The following EXOC4 variants were observed in gnomAD, a reference collection of about 807,000 sequenced individuals.
EXOC4 encodes the protein SEC8-like 1.
In EXOC4, 71 loss-of-function variants were observed where a neutral mutation model predicts 107.2. The observed-to-expected ratio is 0.66, with a 90% CI of 0.55 to 0.81. The LOEUF is 0.81. Ranked by LOEUF, EXOC4 falls within the 30% of genes least tolerant of loss-of-function variation. EXOC4 has a pLI of 0.00. For missense variants in EXOC4, 1,108 were observed against 1,189.6 expected, an observed-to-expected ratio of 0.93 and a Z score of 1.01; for synonymous variants, 456 against 441.2, an observed-to-expected ratio of 1.03 and a Z score of -0.42.
At chr7:133,385,883 G>C (rs1014099287) in intron 7 of EXOC4, among the ~76,000 whole-genome samples, 1 of 152,180 alleles carries the variant, frequency 6.6e-6, no homozygotes, top group Admixed American at 6.6e-5. Flanking sequence ...AATTATTTCA[G>C]TTCACATATT....
intron 10 of EXOC4, among the ~76,000 whole-genome samples, chr7:133,660,542 A>G (rs1803415763): frequency 6.6e-6 from 1 of 152,176 alleles, no homozygotes; most frequent in African/African-American, 2.4e-5. Context: ...TTTTGGGCTG[A>G]TCTCTATAAG....
At chr7:133,510,743 G>C (rs1345307230) in intron 9 of EXOC4, among the ~76,000 whole-genome samples, 1 of 152,170 alleles carries the variant, frequency 6.6e-6, no homozygotes, top group Non-Finnish European at 1.5e-5. Flanking sequence ...GACCCACAGG[G>C]CCTCAAATAA....
intron 7 of EXOC4, among the ~76,000 whole-genome samples, chr7:133,468,825 T>C (rs1798798648): frequency 6.6e-6 from 1 of 152,150 alleles, no homozygotes; most frequent in African/African-American, 2.4e-5. Context: ...TTTTTTTGGC[T>C]TTTACAGTTA....
At chr7:133,796,112 A>G (rs1796808529) in intron 10 of EXOC4, among the ~76,000 whole-genome samples, 1 of 152,190 alleles carries the variant, frequency 6.6e-6, no homozygotes. Context: ...TTAATTTCCT[A>G]TAGACATTCA....
At chr7:133,635,062 T>C (rs547034762) in intron 10 of EXOC4, among the ~76,000 whole-genome samples, 1 of 152,258 alleles carries the variant, frequency 6.6e-6, no homozygotes, top group South Asian at 2.1e-4. Flanking sequence ...TATGTTAATG[T>C]TGGAATTTGA....
intron 14 of EXOC4, among the ~76,000 whole-genome samples, chr7:133,966,326 T>G (rs1219127036): frequency 6.6e-6 from 1 of 152,130 alleles, no homozygotes; most frequent in South Asian, 2.1e-4. Context: ...ATTTCTTTCT[T>G]TTGCCTGATT....
chr7:133,941,018 T>G (rs1025163716), intron 14 of EXOC4, among the ~76,000 whole-genome samples: 1 of 151,588 alleles, frequency 6.6e-6, no homozygotes, highest in Non-Finnish European at 1.5e-5. Context: ...ATTTTCTTTC[T>G]TTTTTTCTTT....
chr7:133,470,506 G>GT (rs1798848367), intron 7 of EXOC4, among the ~76,000 whole-genome samples: 1 of 152,192 alleles, frequency 6.6e-6, no homozygotes, highest in East Asian at 1.9e-4. Context: ...GCCATTCAAC[G>GT]TAATAGGTCC....
In EXOC4 at chr7:133,400,390, C is replaced by G. The variant is rs530391464; in HGVS notation, c.1182+25388C>G. ...AGATTTGATGGGCTGCTCACTCTGT[C>G]CCTCTGCCCACCTGATGTTAGTTAA... is the stretch of plus-strand genomic sequence containing the variant. On this transcript the variant is annotated intron_variant, in intron 7 of 17. Transcript: ENST00000253861. 2.4e-4 allele frequency among the ~76,000 whole-genome samples: 36 copies of G among 152,264 alleles called. No homozygotes were observed. In the South Asian group the frequency reaches 3.7e-3, roughly 16 times the overall value.
chr7:134,069,213 T>TCTTCTTTTC (rs1554442561), downstream of EXOC4, among the ~76,000 whole-genome samples: 1 of 147,948 alleles, frequency 6.8e-6, no homozygotes, highest in African/African-American at 2.5e-5. Context: ...CAGTTCTTCT[T>TCTTCTTTTC]CTTCTTCTCC....
intron 5 of EXOC4, among the ~76,000 whole-genome samples, chr7:133,339,525 G>GT (rs1413798781): frequency 6.6e-6 from 1 of 152,074 alleles, no homozygotes; most frequent in East Asian, 1.9e-4. Flanking sequence ...TTTTAAGATT[G>GT]TTTTTTCTAG....
intron 11 of EXOC4, among the ~76,000 whole-genome samples, chr7:133,853,394 ACAC>A (rs1554409538): frequency 4.6e-5 from 6 of 129,912 alleles, no homozygotes; most frequent in Admixed American, 2.2e-4. Flanking sequence ...ACACACACAC[ACAC>A]AACTTTTTAG....
At chr7:133,854,287 G>A (rs1798301093) in intron 11 of EXOC4, among the ~76,000 whole-genome samples, 1 of 152,066 alleles carries the variant, frequency 6.6e-6, no homozygotes, top group African/African-American at 2.4e-5. Context: ...CTGATGGAGG[G>A]CCATACCTTC....
intron 14 of EXOC4, among the ~76,000 whole-genome samples, chr7:133,940,883 T>A (rs1800410680): frequency 6.6e-6 from 1 of 152,008 alleles, no homozygotes; most frequent in African/African-American, 2.4e-5. Context: ...TGGGAAGAAC[T>A]CAAGAAGATC....
chr7:133,645,808 C>T (rs1802975787), intron 10 of EXOC4, among the ~76,000 whole-genome samples: 1 of 151,984 alleles, frequency 6.6e-6, no homozygotes, highest in South Asian at 2.1e-4. Context: ...AGACAAATTA[C>T]AAATATGCAC....
chr7:133,359,885 C>T (rs749660370), intron 6 of EXOC4, among the ~76,000 whole-genome samples: 1 of 152,086 alleles, frequency 6.6e-6, no homozygotes, highest in Non-Finnish European at 1.5e-5. Context: ...TTTTGATCTC[C>T]CAAACTATCT....
Position 133,561,484 on chromosome 7 carries a change from C to T in EXOC4, c.1418-68561C>T, listed in dbSNP as rs866944875. On this transcript the variant is annotated intron_variant, in intron 9 of 17. Coordinates refer to ENST00000253861, the MANE Select transcript of EXOC4 (RefSeq NM_021807.4). ...CAGTGCGGAAAAGGTCCTGAAAACC[C>T]GAAAAATCATTTATAGTGTGTTTTC... 3.4e-4 allele frequency among the ~76,000 whole-genome samples: 51 copies of T among 152,076 alleles called. 3 individuals are homozygous for T. Among genetic ancestry groups the T allele is most frequent in the African/African-American group, 7.2e-5 (3 of 41,408 alleles).
intron 9 of EXOC4, among the ~76,000 whole-genome samples, chr7:133,526,560 T>G (rs1326813168): frequency 1.3e-5 from 2 of 152,228 alleles, no homozygotes; most frequent in African/African-American, 4.8e-5. Flanking sequence ...CCAGTGAATT[T>G]ATCATGACTA....
chr7:133,737,445 A>G (rs1265276713), intron 10 of EXOC4, among the ~76,000 whole-genome samples: 1 of 146,108 alleles, frequency 6.8e-6, no homozygotes, highest in Admixed American at 6.8e-5. Context: ...CTTTTTTCTT[A>G]TGAAGCTTAT....
Sources: allele counts gnomAD v4.1 joint callset (sites outside exome capture counted in the v4.1 genomes callset), GRCh38; gene constraint gnomAD v4.1.1; transcripts MANE v1.5; gene names NCBI Gene and HGNC (gene_info 2026-07-23, HGNC 2026-07-21).